Variants in DYNC2H1 observed in about 807,000 individuals in gnomAD.
DYNC2H1 encodes cytoplasmic dynein 2 heavy chain 1.
Under a neutral mutation model 570.0 loss-of-function variants are expected in DYNC2H1, and 410 were observed. That is an observed-to-expected ratio of 0.72 (90% CI 0.66 to 0.78). The LOEUF (loss-of-function observed/expected upper bound fraction) is 0.78, where lower values mean the gene tolerates loss of function less well. Among genes scored for constraint, DYNC2H1 ranks in the 30% least tolerant of loss-of-function variants. The pLI is 0.00. For synonymous variants in DYNC2H1, 1,688 were observed against 1,677.6 expected, an observed-to-expected ratio of 1.01 and a Z score of -0.15; for missense variants, 4,865 against 5,046.4, an observed-to-expected ratio of 0.96 and a Z score of 1.09.
chr11:103,124,661 G>C (rs74813734), intron 11 of DYNC2H1, among the ~76,000 whole-genome samples: 4 of 151,868 alleles, frequency 2.6e-5, no homozygotes, highest in African/African-American at 9.7e-5. Context: ...AGAATGAAAC[G>C]TTTTAATATC....
chr11:103,451,101 A>G (rs1422891696), intron 85 of DYNC2H1, among the ~76,000 whole-genome samples: 1 of 152,138 alleles, frequency 6.6e-6, no homozygotes, highest in Non-Finnish European at 1.5e-5. Context: ...TATTTTTCCA[A>G]TACCAGTTTT....
In DYNC2H1 at chr11:103,245,415, A is replaced by T. The variant is rs780854533; in HGVS notation, c.10042+41A>T. On this transcript the variant is annotated intron_variant, in intron 65 of 88. Coordinates refer to ENST00000375735, the MANE Select transcript of DYNC2H1 (RefSeq NM_001377.3). The surrounding 1 kb of genome is among the most constrained non-coding windows in gnomAD (Gnocchi z 4.5). ...TTTCCAGAGTGTAAATATTTTTAAA[A>T]TTTCCAAAGTAAGTAATTAAACCAG... 2.0e-6 allele frequency: 3 copies of T among 1,524,150 alleles called. No homozygotes were observed. The East Asian group carries it at 7.3e-5, about 37-fold the overall frequency. 94.4% of individuals were successfully genotyped at this position (1,524,150 alleles called of 1,614,324 possible).
rs907011236 is a variant in DYNC2H1, at chr11:103,204,297, C to T, written c.8311+521C>T. Among the ~76,000 whole-genome samples the T allele has an allele frequency of 1.3e-5, 2 of 152,162 alleles. No homozygotes were observed. The highest frequency in any genetic ancestry group is 1.3e-4 in the Admixed American group (2 of 15,268). ...CTACAAAATGAGATTTGGGTAGGGA[C>T]ACAGAGCCAAACCATATCAATACCT... On this transcript the variant is annotated intron_variant, in intron 51 of 88. Transcript: ENST00000375735. The surrounding 1 kb of genome is among the most constrained non-coding windows in gnomAD (Gnocchi z 4.1).
At chr11:103,408,886 G>C (rs1254245042) in intron 84 of DYNC2H1, among the ~76,000 whole-genome samples, 1 of 152,008 alleles carries the variant, frequency 6.6e-6, no homozygotes, top group Admixed American at 6.6e-5. Context: ...TAATGGGTTA[G>C]GGCGAGTTTC....
At chr11:103,387,632 G>C (rs1299433688) in intron 83 of DYNC2H1, among the ~76,000 whole-genome samples, 1 of 151,956 alleles carries the variant, frequency 6.6e-6, no homozygotes, top group South Asian at 2.1e-4. Context: ...TTTATGGTTT[G>C]AGGTCAAACA....
Position 103,220,802 on chromosome 11 carries a change from G to C in DYNC2H1, c.9107+19G>C. 1 of 1,588,246 alleles carries C rather than the reference G, an allele frequency of 6.3e-7. No homozygotes were observed. Among genetic ancestry groups the C allele is most frequent in the Non-Finnish European group, 8.6e-7 (1 of 1,167,828 alleles). On this transcript the variant is annotated intron_variant, in intron 57 of 88. Coordinates refer to ENST00000375735, the MANE Select transcript of DYNC2H1 (RefSeq NM_001377.3). ...TGAAAAGGTACATTTTTCAATTTGT[G>C]AAAAATATTATTTCGGCAATGAATG...
rs1487626898 is a variant in DYNC2H1, at chr11:103,151,095, T to C, written c.2947-1041T>C. Reference sequence around the variant, plus strand: ...GGAGGTAGGTAGACTAGGAAACTATTGTGATATGTTTTACAGGCTAACTGG... The same window carrying C: ...GGAGGTAGGTAGACTAGGAAACTATCGTGATATGTTTTACAGGCTAACTGG... On this transcript the variant is annotated intron_variant, in intron 20 of 88. Transcript: ENST00000375735. This position sits in a 1 kb window ranked among gnomAD's most constrained non-coding sequence, Gnocchi z 4.6. Among the ~76,000 whole-genome samples, 1 of 152,020 alleles carries C rather than the reference T, an allele frequency of 6.6e-6. No homozygotes were observed. The highest frequency in any genetic ancestry group is 2.1e-4 in the South Asian group (1 of 4,824).
chr11:103,125,417 ATTATGTT>A (rs1475141169), intron 12 of DYNC2H1, 122 bp downstream of exon 12: 2 of 717,334 alleles, frequency 2.8e-6, no homozygotes, highest in Non-Finnish European at 4.2e-6. Flanking sequence ...CAGCTGTGAA[ATTATGTT>A]TTACTAAATG....
intron 59 of DYNC2H1, among the ~76,000 whole-genome samples, chr11:103,229,453 T>C (rs1021764704): frequency 3.9e-5 from 6 of 152,246 alleles, no homozygotes; most frequent in Admixed American, 6.5e-5. Flanking sequence ...TGTATTAAAA[T>C]TTATTCATCT....
rs555450033 is a variant in DYNC2H1 at position 103,166,515 on chromosome 11, T to C, written c.4762+467T>C. Among the ~76,000 whole-genome samples, 34 of 152,286 alleles carry C rather than the reference T, an allele frequency of 2.2e-4. 1 individual carries two copies. In the South Asian group the frequency reaches 6.8e-3, roughly 31 times the overall value. On this transcript the variant is annotated intron_variant, in intron 31 of 88. Transcript: ENST00000375735. ...CTTTTAGTGTTTCTTTTGGAGAAGG[T>C]GTCCTAACTCTGAATTCACATAGAT...
intron 55 of DYNC2H1, among the ~76,000 whole-genome samples, chr11:103,216,455 T>C (rs771274890): frequency 2.2e-4 from 34 of 152,126 alleles, no homozygotes; most frequent in Non-Finnish European, 4.1e-4. Flanking sequence ...TTCAAATTCA[T>C]CTTTTTTATT....
chr11:103,339,545 T>TGTA (rs1253321414), intron 82 of DYNC2H1, among the ~76,000 whole-genome samples: 1 of 152,162 alleles, frequency 6.6e-6, no homozygotes, highest in Non-Finnish European at 1.5e-5. Flanking sequence ...TGGCTGAGCT[T>TGTA]GTATTCATTT....
Position 103,280,528 on chromosome 11 carries a change from C to A in DYNC2H1, c.10761+115C>A, listed in dbSNP as rs2135336593. 2 of 920,748 alleles carry A rather than the reference C, an allele frequency of 2.2e-6. No individual in the cohort carries two copies. Among genetic ancestry groups the A allele is most frequent in the East Asian group, 2.7e-5 (1 of 37,514 alleles). The allele number at this position is 920,748 out of a possible 1,614,324, so 57.0% of individuals were successfully genotyped here. ...AGAAATTATATATCAACCTATTAAT[C>A]TTTTACTAAGTTAGAAATGTAGTAT... is the stretch of plus-strand genomic sequence containing the variant. On this transcript the variant is annotated intron_variant, in intron 71 of 88. Transcript: ENST00000375735. This position sits in a 1 kb window ranked among gnomAD's most constrained non-coding sequence, Gnocchi z 4.7.
intron 82 of DYNC2H1, among the ~76,000 whole-genome samples, chr11:103,337,661 G>A (rs1192322353): frequency 4.6e-5 from 7 of 152,006 alleles, no homozygotes; most frequent in East Asian, 3.8e-4. Flanking sequence ...TTCTATACCC[G>A]TTGGTCATTT....
rs571407527 is a variant in DYNC2H1, at chr11:103,136,640, A to G, written c.2574+692A>G. Among the ~76,000 whole-genome samples the G allele has an allele frequency of 2.3e-3, 353 of 152,156 alleles. 4 individuals are homozygous for G. The highest frequency in any genetic ancestry group is 0.02 in the Admixed American group (304 of 15,262). On this transcript the variant is annotated intron_variant, in intron 17 of 88. Transcript: ENST00000375735. ...AAGTCTATCATTGTTGGACATTTGG[A>G]TTGGTTCCAAGTCTTTGCTATTGTG...
At chr11:103,112,664 C>A (rs1035043308) in intron 1 of DYNC2H1, among the ~76,000 whole-genome samples, 6 of 152,190 alleles carry the variant, frequency 3.9e-5, no homozygotes, top group African/African-American at 1.4e-4. Context: ...TTTCCAGTGG[C>A]CAAAAATGTA....
chr11:103,393,947 A>C (rs1942282751), intron 83 of DYNC2H1, among the ~76,000 whole-genome samples: 3 of 152,180 alleles, frequency 2.0e-5, no homozygotes, highest in Admixed American at 2.0e-4. Flanking sequence ...AGCATGGGAA[A>C]GACCTACCCC....
At chr11:103,382,169 T>A (rs968209637) in intron 83 of DYNC2H1, among the ~76,000 whole-genome samples, 1 of 152,154 alleles carries the variant, frequency 6.6e-6, no homozygotes, top group African/African-American at 2.4e-5. Context: ...TCTAACCAAT[T>A]TACATCTACT....
intron 84 of DYNC2H1, among the ~76,000 whole-genome samples, chr11:103,420,857 G>T (rs1177170193): frequency 1.3e-5 from 2 of 152,118 alleles, no homozygotes; most frequent in Non-Finnish European, 1.5e-5. Context: ...ATGGTAACAG[G>T]ATGAAAGTCA....
Sources: allele counts gnomAD v4.1 joint callset (sites outside exome capture counted in the v4.1 genomes callset), GRCh38; gene constraint gnomAD v4.1.1; non-coding constraint Gnocchi (gnomAD v3.1); transcripts MANE v1.5; gene names NCBI Gene and HGNC (gene_info 2026-07-23, HGNC 2026-07-21).